The following MACC1 variants were observed in gnomAD, a reference collection of about 807,000 sequenced individuals.
MACC1 encodes the protein metastasis-associated in colon cancer protein 1.
Under a neutral mutation model 70.7 loss-of-function variants are expected in MACC1, and 79 were observed. That is an observed-to-expected ratio of 1.12 (90% CI 0.93 to 1.35). The LOEUF is 1.35. Ranked by LOEUF, MACC1 falls within the 40% of genes most tolerant of loss-of-function variation. MACC1 has a pLI of 0.00. For missense variants in MACC1, 1,106 were observed against 978.1 expected (o/e 1.13, Z -1.74); for synonymous variants, 361 against 347.2 (o/e 1.04, Z -0.44).
intron 1 of MACC1, among the ~76,000 whole-genome samples, chr7:20,176,088 T>C (rs1163446679): frequency 6.6e-6 from 1 of 152,050 alleles, no homozygotes; most frequent in African/African-American, 2.4e-5. Context: ...TTAAAGATGA[T>C]AGTGATTTGT....
intron 5 of MACC1, 109 bp downstream of exon 5, chr7:20,158,093 TAA>T: frequency 7.8e-7 from 1 of 1,286,402 alleles, no homozygotes; most frequent in Non-Finnish European, 1.1e-6. Flanking sequence ...TTAATGTATT[TAA>T]GACTGTTGAA....
chr7:20,158,854 T>C lies in MACC1; in HGVS notation c.1507A>G (p.Thr503Ala). 2 of 1,614,120 alleles carry C rather than the reference T, an allele frequency of 1.2e-6. No homozygotes were observed. Among genetic ancestry groups the C allele is most frequent in the Non-Finnish European group, 1.7e-6 (2 of 1,180,028 alleles). ...AGGTTTGGGGTTGGATCAGGAGTAGTGATAGAGAACTGTGCAACTGGTTCA... is the reference window on the plus strand; with the variant it reads ...AGGTTTGGGGTTGGATCAGGAGTAGCGATAGAGAACTGTGCAACTGGTTCA... Reference protein sequence around the residue: ...NGEPVAQFSITTPDPTPNLKR... With the variant: ...NGEPVAQFSIATPDPTPNLKR... The change falls in exon 5 of 7, where the codon ACT becomes GCT. Residue 503 changes from threonine to alanine, a missense_variant. Physicochemically the swap from Thr to Ala is moderately conservative, Grantham distance 58. Transcript: ENST00000400331.
intron 5 of MACC1, among the ~76,000 whole-genome samples, chr7:20,156,234 C>G (rs1782052889): frequency 6.6e-6 from 1 of 152,180 alleles, no homozygotes; most frequent in Non-Finnish European, 1.5e-5. Context: ...AGAGACAACT[C>G]TATACCCCAT....
chr7:20,197,261 A>G (rs1193674689), intron 1 of MACC1, among the ~76,000 whole-genome samples: 2 of 152,004 alleles, frequency 1.3e-5, no homozygotes, highest in African/African-American at 4.8e-5. Flanking sequence ...CAGCACTGCC[A>G]TTTTCCCTCC....
intron 1 of MACC1, among the ~76,000 whole-genome samples, chr7:20,174,130 G>A (rs895636354): frequency 6.6e-6 from 1 of 152,096 alleles, no homozygotes; most frequent in Non-Finnish European, 1.5e-5. Flanking sequence ...CCAGCACTTA[G>A]CATAATTCTA....
chr7:20,157,671 G>C (rs1210778222), intron 5 of MACC1, among the ~76,000 whole-genome samples: 3 of 146,138 alleles, frequency 2.1e-5, no homozygotes, highest in Non-Finnish European at 3.0e-5. Context: ...TGCAGTCTGA[G>C]TTACTTGGGC....
intron 1 of MACC1, among the ~76,000 whole-genome samples, chr7:20,183,655 A>G (rs1187280699): frequency 6.6e-6 from 1 of 151,852 alleles, no homozygotes; most frequent in African/African-American, 2.4e-5. Context: ...CTTTCCCTGT[A>G]ATATCCTAAT....
chr7:20,177,170 C>T (rs1332275642), intron 1 of MACC1, among the ~76,000 whole-genome samples: 2 of 152,030 alleles, frequency 1.3e-5, no homozygotes, highest in Non-Finnish European at 2.9e-5. Flanking sequence ...TTTCCAAATT[C>T]CTGGGACTCT....
At chr7:20,182,856 T>C (rs1022954147) in intron 1 of MACC1, among the ~76,000 whole-genome samples, 1 of 152,194 alleles carries the variant, frequency 6.6e-6, no homozygotes, top group African/African-American at 2.4e-5. Flanking sequence ...ATATCTACAA[T>C]ACACAATATT....
chr7:20,204,671 C>T (rs1173381660), intron 1 of MACC1, among the ~76,000 whole-genome samples: 1 of 152,142 alleles, frequency 6.6e-6, no homozygotes, highest in Non-Finnish European at 1.5e-5. Context: ...GTTAGGTGAG[C>T]TGTAACAAAC....
At chr7:20,148,135 T>C (rs954872001) in intron 6 of MACC1, among the ~76,000 whole-genome samples, 4 of 152,040 alleles carry the variant, frequency 2.6e-5, no homozygotes, top group African/African-American at 9.7e-5. Flanking sequence ...GCTATCACCT[T>C]TCTTTAGGCC....
intron 1 of MACC1, among the ~76,000 whole-genome samples, chr7:20,182,782 C>T (rs76664974): frequency 0.011 from 1,644 of 152,172 alleles, 25 homozygotes; most frequent in African/African-American, 0.035. Flanking sequence ...AGTCACTTTT[C>T]ATATATGGCC....
Position 20,176,759 on chromosome 7 carries a change from CT to C in MACC1, c.-217-5982del, listed in dbSNP as rs1433862177. 3.3e-5 allele frequency among the ~76,000 whole-genome samples: 5 copies of C among 152,222 alleles called. No homozygotes were observed. In the East Asian group the frequency reaches 9.6e-4, roughly 29 times the overall value. ...TTACTCAACCATAAAATGAAAGAAA[CT>C]ATTAACACATGCAACAACTTAGATA... is the stretch of plus-strand genomic sequence containing the variant. On this transcript the variant is annotated intron_variant, in intron 1 of 6. Coordinates refer to ENST00000400331, the MANE Select transcript of MACC1 (RefSeq NM_182762.4).
chr7:20,168,086 G>C (rs73082555), intron 2 of MACC1, among the ~76,000 whole-genome samples: 10,646 of 152,190 alleles, frequency 0.07, 574 homozygotes, highest in East Asian at 0.28. Context: ...GAGGTTGATA[G>C]TTATTTGTCT....
intron 6 of MACC1, among the ~76,000 whole-genome samples, chr7:20,141,756 C>A (rs1376507046): frequency 6.6e-6 from 1 of 152,050 alleles, no homozygotes; most frequent in East Asian, 1.9e-4. Flanking sequence ...AGTGCTGCTT[C>A]TTTTTGCTTT....
In MACC1 at chr7:20,152,308, T is replaced by G. The variant is rs78191638; in HGVS notation, c.2346+1885A>C. On this transcript the variant is annotated intron_variant, in intron 6 of 6. Transcript: ENST00000400331. ...ATCTCCCTGCCCCAGTGCACTTCCC[T>G]CCCTCTGCACCCCCTACCCAGAACT... 1.7e-4 allele frequency among the ~76,000 whole-genome samples: 26 copies of G among 152,140 alleles called. No homozygotes were observed. In the East Asian group the frequency reaches 4.6e-3, roughly 27 times the overall value.
At chr7:20,143,854 C>G (rs1781846411) in intron 6 of MACC1, among the ~76,000 whole-genome samples, 2 of 152,118 alleles carry the variant, frequency 1.3e-5, no homozygotes, top group Admixed American at 1.3e-4. Flanking sequence ...GGGAATATTG[C>G]CCTAAACCGA....
At chr7:20,189,862 G>T (rs1373295450) in intron 1 of MACC1, among the ~76,000 whole-genome samples, 1 of 151,848 alleles carries the variant, frequency 6.6e-6, no homozygotes, top group Non-Finnish European at 1.5e-5. Flanking sequence ...AAACTGAAAG[G>T]CTTAAACATT....
intron 1 of MACC1, among the ~76,000 whole-genome samples, chr7:20,177,369 G>C (rs1462407370): frequency 1.3e-5 from 2 of 152,060 alleles, no homozygotes; most frequent in East Asian, 1.9e-4. Context: ...TAATTTTTAA[G>C]TTTCTGTTGA....
Sources: gnomAD v4.1 joint callset for allele counts (sites outside exome capture counted in the v4.1 genomes callset) on GRCh38, gnomAD v4.1.1 for gene constraint, MANE v1.5 for transcripts, NCBI Gene and HGNC (gene_info 2026-07-23, HGNC 2026-07-21) for gene names.